Variants in TNS1 observed in about 807,000 individuals in gnomAD.
TNS1 encodes the protein tensin 1.
A neutral mutation model predicts 168.6 loss-of-function variants in TNS1; 62 were observed. The ratio of observed to expected loss-of-function variants is 0.37; its 90% CI spans 0.30 to 0.45. TNS1 has a LOEUF of 0.45. Among genes scored for constraint, TNS1 ranks in the 20% least tolerant of loss-of-function variants. TNS1 has a pLI of 1.00. For missense variants in TNS1, 2,240 were observed against 2,339.4 expected (o/e 0.96, Z 0.88); for synonymous variants, 934 against 933.2 (o/e 1.00, Z -0.02).
rs2125069033 is a variant in TNS1, at chr2:217,808,635, G to A, written c.5310C>T (p.Val1770=). Residue 1770 remains valine (V), a synonymous_variant, in exon 31 of 33, where the codon GTC becomes GTT. Transcript: ENST00000682258. ...FFRRHYPLNT[V]TFCDLDPQER... ...CCTGTGGATCCAGGTCACAGAAGGT[G>A]ACAGTGTTGAGAGGGTAGTGGCGTC... is the stretch of plus-strand genomic sequence containing the variant. 6.2e-7 allele frequency: 1 copy of A among 1,614,168 alleles called. No homozygotes were observed. Among genetic ancestry groups the A allele is most frequent in the Non-Finnish European group, 8.5e-7 (1 of 1,180,004 alleles).
At chr2:217,897,323 A>G (rs1049984621) in intron 8 of TNS1, among the ~76,000 whole-genome samples, 6 of 152,170 alleles carry the variant, frequency 3.9e-5, no homozygotes, top group Admixed American at 2.6e-4. Context: ...ACATGTTGCC[A>G]AGACTCTGCC....
intron 24 of TNS1, 41 bp from the exon 25 acceptor site, chr2:217,815,039 G>A (rs367829987): frequency 6.6e-7 from 1 of 1,520,186 alleles, no homozygotes. Context: ...GGGTTAAATT[G>A]TGTTCACCCA....
chr2:217,917,829 C>CAAA lies in TNS1; in HGVS notation c.228+2363_228+2365dup, dbSNP rs79888115. 9.4e-3 allele frequency among the ~76,000 whole-genome samples: 713 copies of CAAA among 75,950 alleles called. 8 individuals are homozygous for CAAA. Among genetic ancestry groups the CAAA allele is most frequent in the South Asian group, 0.02 (36 of 1,780 alleles). 49.8% of individuals were successfully genotyped at this position (75,950 alleles called of 152,430 possible). On this transcript the variant is annotated intron_variant, in intron 4 of 32. Coordinates refer to ENST00000682258, the MANE Select transcript of TNS1 (RefSeq NM_001387777.1). ...CTGGGCAACACAGTGAGACTGTTCT[C>CAAA]AAAAAAAAAAAAAAAAAAAGACTTG...
chr2:217,836,757 G>A (rs914784809), intron 19 of TNS1, among the ~76,000 whole-genome samples: 2 of 152,154 alleles, frequency 1.3e-5, no homozygotes, highest in African/African-American at 4.8e-5. Flanking sequence ...TTTCTCTGGG[G>A]TTCCCCAACT....
At chr2:218,004,370 C>G (rs965532118), upstream of TNS1, among the ~76,000 whole-genome samples, 2 of 135,484 alleles carry the variant, frequency 1.5e-5, no homozygotes, top group Non-Finnish European at 3.5e-5. Flanking sequence ...CCCCTGCCTC[C>G]CCCCCCCACT....
At chr2:217,944,422 G>C (rs1957050942) in intron 3 of TNS1, among the ~76,000 whole-genome samples, 1 of 152,240 alleles carries the variant, frequency 6.6e-6, no homozygotes, top group African/African-American at 2.4e-5. Flanking sequence ...CGCAGGTGCA[G>C]AGAAATGGCC....
At chr2:218,001,084 T>C (rs1574475345) in intron 1 of TNS1, among the ~76,000 whole-genome samples, 1 of 151,340 alleles carries the variant, frequency 6.6e-6, no homozygotes, top group South Asian at 2.1e-4. Context: ...ACCCAGGAGG[T>C]AGAGGTTATA....
At chr2:217,859,711 T>G in intron 18 of TNS1, 1 of 1,533,534 alleles carries the variant, frequency 6.5e-7, no homozygotes, top group Non-Finnish European at 8.7e-7. Flanking sequence ...TCTGTGGAAA[T>G]CATGAATAGC....
chr2:217,805,468 A>G (rs1938395528), intron 32 of TNS1, among the ~76,000 whole-genome samples: 48 of 46,012 alleles, frequency 1.0e-3, no homozygotes, highest in African/African-American at 4.2e-3. Flanking sequence ...ACACACCACC[A>G]CACACACCAC....
intron 32 of TNS1, among the ~76,000 whole-genome samples, chr2:217,806,974 G>A (rs1047959530): frequency 3.9e-5 from 6 of 152,168 alleles, no homozygotes; most frequent in Non-Finnish European, 5.9e-5. Flanking sequence ...TTGAAGACCC[G>A]TCCTTAAATA....
At chr2:217,917,505 G>A (rs1955159458) in intron 4 of TNS1, among the ~76,000 whole-genome samples, 2 of 152,136 alleles carry the variant, frequency 1.3e-5, no homozygotes, top group African/African-American at 2.4e-5. Flanking sequence ...ACTGGGTGCT[G>A]GGGAAAGGGA....
chr2:217,831,496 T>G lies in TNS1; in HGVS notation c.3332A>C (p.Lys1111Thr), dbSNP rs1944415311. Residue 1111 changes from lysine to threonine, a missense_variant, in exon 22 of 33, where the codon AAA becomes ACA. Coordinates refer to ENST00000682258, the MANE Select transcript of TNS1 (RefSeq NM_001387777.1). ...CAGGATGTCCGCTGGGTTGTGAGGT[T>G]TCAGGCCCAGAGCAGACAGGGGTGT... ...AKTPLSALGL[K>T]PHNPADILLH... is the part of the protein sequence containing the mutation. The G allele has an allele frequency of 2.5e-6, 4 of 1,583,478 alleles. No individual in the cohort carries two copies. In the Admixed American group the frequency reaches 5.3e-5, roughly 21 times the overall value.
At chr2:217,823,909 C>A (rs549130008) in intron 22 of TNS1, among the ~76,000 whole-genome samples, 1 of 152,350 alleles carries the variant, frequency 6.6e-6, no homozygotes, top group Non-Finnish European at 1.5e-5. Context: ...CACCTCCTCG[C>A]AGAAGGCCCA....
intron 16 of TNS1, among the ~76,000 whole-genome samples, chr2:217,883,141 T>A (rs1020884155): frequency 2.0e-5 from 3 of 152,144 alleles, no homozygotes; most frequent in South Asian, 4.2e-4. Flanking sequence ...ACTATTAATA[T>A]GAATAATTTG....
intron 3 of TNS1, among the ~76,000 whole-genome samples, chr2:217,939,819 C>T (rs1956819266): frequency 6.6e-6 from 1 of 152,242 alleles, no homozygotes; most frequent in African/African-American, 2.4e-5. Context: ...ACCACCCCTC[C>T]CACATGGGCT....
chr2:217,920,771 AT>A (rs1264733434), intron 3 of TNS1, among the ~76,000 whole-genome samples: 1 of 151,494 alleles, frequency 6.6e-6, no homozygotes, highest in East Asian at 1.9e-4. Flanking sequence ...CATGCATGAA[AT>A]GGGTTGGTAA....
At position 217,897,889 on chromosome 2, in the gene TNS1, G is replaced by A. The variant is rs781264279; in HGVS notation, c.452C>T (p.Ser151Phe). ...CTCCTCATTGGCTGTGCTGGGGAAG[G>A]AGACAGCGATGATCCTCTCTGTGAC... ...VYVTERIIAVSFPSTANEENF... is the reference protein window; with the variant it reads ...VYVTERIIAVFFPSTANEENF... The change falls in exon 8 of 33, where the codon TCC (serine) becomes TTC (phenylalanine). Residue 151 changes from serine (S) to phenylalanine (F), a missense_variant. By Grantham distance (155) the Ser-to-Phe change is radical (BLOSUM62 -2). Transcript: ENST00000682258. 3 of 1,613,716 alleles carry A rather than the reference G, an allele frequency of 1.9e-6. No individual in the cohort carries two copies. Among genetic ancestry groups the A allele is most frequent in the Non-Finnish European group, 2.5e-6 (3 of 1,179,798 alleles).
chr2:217,801,319 A>C lies in TNS1; in HGVS notation c.*3140T>G, dbSNP rs1937451517. ...CTTCCCTCTTGCTCCCTTTGGGAAA[A>C]AGCCACGTGGAGCTCACTGGGCCCC... On this transcript the variant is annotated 3_prime_UTR_variant, in exon 33 of 33. Coordinates refer to ENST00000682258, the MANE Select transcript of TNS1 (RefSeq NM_001387777.1). The C allele has an allele frequency of 6.6e-6, 1 of 152,070 alleles. No individual in the cohort carries two copies. The highest frequency in any genetic ancestry group is 2.4e-5 in the African/African-American group (1 of 41,374). 9.4% of individuals were successfully genotyped at this position (152,070 alleles called of 1,614,324 possible).
chr2:217,843,252 T>G (rs965931482), intron 19 of TNS1, among the ~76,000 whole-genome samples: 89 of 152,310 alleles, frequency 5.8e-4, no homozygotes, highest in African/African-American at 2.0e-3. Context: ...ACCTCCTGGT[T>G]GAGCCTAATT....
Sources: gnomAD v4.1 joint callset for allele counts (sites outside exome capture counted in the v4.1 genomes callset) on GRCh38, gnomAD v4.1.1 for gene constraint, MANE v1.5 for transcripts, NCBI Gene and HGNC (gene_info 2026-07-23, HGNC 2026-07-21) for gene names.